ANXA6: variants seen among roughly 807,000 people sequenced by gnomAD.
The protein encoded by ANXA6 is 67 kDa calelectrin.
ANXA6 carries 71 observed loss-of-function variants against 95.4 expected under a neutral mutation model. The ratio of observed to expected loss-of-function variants is 0.74; its 90% CI spans 0.61 to 0.91. The LOEUF (loss-of-function observed/expected upper bound fraction) is 0.91, where lower values mean the gene tolerates loss of function less well. Ranked by LOEUF, ANXA6 falls within the 40% of genes least tolerant of loss-of-function variation. The probability of loss-of-function intolerance (pLI) is 0.00; values close to 1 mark genes in which losing one functional copy is unlikely to be tolerated. For synonymous variants in ANXA6, 289 were observed against 315.9 expected (o/e 0.91, Z 0.90); for missense variants, 830 against 876.4 (o/e 0.95, Z 0.67).
chr5:151,139,863 G>C, intron 3 of ANXA6, among the ~76,000 whole-genome samples: 1 of 152,246 alleles, frequency 6.6e-6, no homozygotes, highest in East Asian at 1.9e-4. Flanking sequence ...CAAAGGCAGC[G>C]GGCGGCATTA....
intron 15 of ANXA6, 112 bp from the exon 16 acceptor site, chr5:151,123,123 A>G: frequency 3.2e-6 from 3 of 942,064 alleles, no homozygotes; most frequent in East Asian, 2.5e-5. Context: ...AAGCCTGGCT[A>G]AGCGGCCATG....
intron 2 of ANXA6, among the ~76,000 whole-genome samples, chr5:151,142,587 T>C (rs1187698850): frequency 1.3e-5 from 2 of 152,176 alleles, no homozygotes; most frequent in Non-Finnish European, 2.9e-5. Context: ...ATTGAGTCCA[T>C]GGAGAATGGA....
In ANXA6 at chr5:151,119,368, G is replaced by A. The variant is rs201681691; in HGVS notation, c.1370C>T (p.Ala457Val). 2.2e-5 allele frequency: 35 copies of A among 1,613,838 alleles called. No individual in the cohort carries two copies. The African/African-American group carries it at 3.3e-4, about 15-fold the overall frequency. The change falls in exon 18 of 26, where the codon GCT becomes GTT. Residue 457 changes from alanine to valine, a missense_variant. Ala to Val is a moderately conservative substitution (Grantham distance 64, BLOSUM62 0). Transcript: ENST00000354546. ...CCGAGTGGCCAGGATTTCAATAAGA[G>A]CCTTTTCATCTGTGCCGGCTCCCTG... is the stretch of plus-strand genomic sequence containing the variant. ...AMEGAGTDEK[A>V]LIEILATRTN...
Position 151,120,548 on chromosome 5 carries a change from C to T in ANXA6, c.1348-1158G>A, listed in dbSNP as rs116744941. 5.2e-3 allele frequency among the ~76,000 whole-genome samples: 797 copies of T among 152,178 alleles called. 10 individuals are homozygous for T. The highest frequency in any genetic ancestry group is 0.017 in the African/African-American group (715 of 41,518). On this transcript the variant is annotated intron_variant, in intron 17 of 25. Transcript: ENST00000354546. ...GCTGGCAAACATGGTGAAACCCCTT[C>T]TCTACTAGAAAGACAAAAAAATTAG...
intron 14 of ANXA6, among the ~76,000 whole-genome samples, chr5:151,125,163 C>T (rs941064840): frequency 6.6e-6 from 1 of 151,970 alleles, no homozygotes; most frequent in Admixed American, 6.6e-5. Context: ...TCAAGATGAG[C>T]CCAGGCAACA....
In ANXA6 at chr5:151,103,677, C is replaced by T; in HGVS notation, c.1855G>A (p.Glu619Lys). Residue 619 changes from glutamate to lysine, a missense_variant, in exon 25 of 26, where the codon GAG becomes AAG. Glu to Lys is a moderately conservative substitution (Grantham distance 56). Transcript: ENST00000354546. The stretch of plus-strand genomic sequence containing the variant: ...ACCATGATCCTGGTCAGAGTCTTCT[C>T]ATCTGTGCCAGCACCCTGGTGGAGC... ...YKSMKGAGTD[E>K]KTLTRIMVSR... is the part of the protein sequence containing the mutation. The T allele has an allele frequency of 6.2e-7, 1 of 1,610,456 alleles. No homozygotes were observed. Among genetic ancestry groups the T allele is most frequent in the Non-Finnish European group, 8.5e-7 (1 of 1,178,398 alleles).
chr5:151,140,188 T>C lies in ANXA6; in HGVS notation c.74A>G (p.Asp25Gly). Residue 25 changes from aspartate (D) to glycine (G), a missense_variant, in exon 3 of 26, where the codon GAT becomes GGT. Coordinates refer to ENST00000354546, the MANE Select transcript of ANXA6 (RefSeq NM_001155.5). ...CATGGCAGTGTACAGAGCCTCGGCA[T>C]CCTGGTTGGGGTCAAAGCCTGGGAA... ...HDFPGFDPNQ[D>G]AEALYTAMKG... 6.2e-7 allele frequency: 1 copy of C among 1,613,932 alleles called. No individual in the cohort carries two copies. Among genetic ancestry groups the C allele is most frequent in the Non-Finnish European group, 8.5e-7 (1 of 1,179,882 alleles).
At chr5:151,155,809 A>C (rs1200606935) in intron 1 of ANXA6, 1 of 152,356 alleles carries the variant, frequency 6.6e-6, no homozygotes, top group Non-Finnish European at 1.5e-5. Flanking sequence ...GCTAAGCCCC[A>C]GAGGGGTAGT....
At chr5:151,152,321 A>G (rs574750699) in intron 1 of ANXA6, among the ~76,000 whole-genome samples, 15 of 152,250 alleles carry the variant, frequency 9.9e-5, no homozygotes, top group Non-Finnish European at 2.2e-4. Flanking sequence ...TTTTATTATA[A>G]TAAGCCCAAA....
At chr5:151,138,073 T>C (rs1161561030) in intron 5 of ANXA6, among the ~76,000 whole-genome samples, 2 of 152,192 alleles carry the variant, frequency 1.3e-5, no homozygotes, top group Non-Finnish European at 2.9e-5. Flanking sequence ...GTTTATAAAA[T>C]GAATTCATGC....
intron 3 of ANXA6, 44 bp downstream of exon 3, chr5:151,140,109 T>C (rs10040510): frequency 6.3e-7 from 1 of 1,582,902 alleles, no homozygotes; most frequent in East Asian, 2.2e-5. Context: ...CTGTGTCTAC[T>C]TTTGGGGGAT....
At chr5:151,101,639 T>C (rs560272550) in intron 25 of ANXA6, 132 bp from the exon 26 acceptor site, 1 of 768,250 alleles carries the variant, frequency 1.3e-6, no homozygotes, top group Non-Finnish European at 2.3e-6. Flanking sequence ...CCATGCCACA[T>C]GTAGGCTACT....
intron 17 of ANXA6, 90 bp from the exon 18 acceptor site, chr5:151,119,480 A>T: frequency 8.8e-7 from 1 of 1,130,058 alleles, no homozygotes; most frequent in Non-Finnish European, 1.3e-6. Context: ...GCTCAGGCCA[A>T]GCATTCCTGG....
chr5:151,103,911 G>T (rs1764621053), intron 24 of ANXA6, among the ~76,000 whole-genome samples: 2 of 152,200 alleles, frequency 1.3e-5, no homozygotes, highest in African/African-American at 4.8e-5. Context: ...GTTGAATAGT[G>T]TCCCCATGTC....
At chr5:151,153,324 C>T (rs988981394) in intron 1 of ANXA6, among the ~76,000 whole-genome samples, 8 of 152,256 alleles carry the variant, frequency 5.3e-5, no homozygotes, top group African/African-American at 1.9e-4. Context: ...CTTAGAGATT[C>T]TGACTCAACT....
chr5:151,107,603 C>G (rs1222677027), intron 23 of ANXA6, among the ~76,000 whole-genome samples: 2 of 152,204 alleles, frequency 1.3e-5, no homozygotes, highest in African/African-American at 2.4e-5. Flanking sequence ...ATGTGAAAAT[C>G]TTCCACGGAT....
At chr5:151,132,371 C>G in intron 10 of ANXA6, 105 bp downstream of exon 10, 1 of 882,768 alleles carries the variant, frequency 1.1e-6, no homozygotes, top group Non-Finnish European at 1.7e-6. Context: ...TTTCTCCTTC[C>G]CAATTCTATA....
At chr5:151,137,707 C>T in intron 5 of ANXA6, among the ~76,000 whole-genome samples, 1 of 152,198 alleles carries the variant, frequency 6.6e-6, no homozygotes, top group Non-Finnish European at 1.5e-5. Context: ...CTTGCTCCTG[C>T]TCCCACCATG....
At chr5:151,110,833 C>T (rs982629038) in intron 20 of ANXA6, among the ~76,000 whole-genome samples, 189 bp from the exon 21 acceptor site, 6 of 152,102 alleles carry the variant, frequency 3.9e-5, no homozygotes, top group Non-Finnish European at 8.8e-5. Context: ...AAATACCTTC[C>T]TATGACCTTT....
Sources: allele counts gnomAD v4.1 joint callset (sites outside exome capture counted in the v4.1 genomes callset), GRCh38; gene constraint gnomAD v4.1.1; transcripts MANE v1.5; gene names NCBI Gene and HGNC (gene_info 2026-07-23, HGNC 2026-07-21).